CDH12: variants seen among roughly 807,000 people sequenced by gnomAD.
The protein encoded by CDH12 is cadherin 12.
In CDH12, 41 loss-of-function variants were observed where a neutral mutation model predicts 74.1. The observed-to-expected ratio is 0.55, with a 90% CI of 0.43 to 0.72. The LOEUF (loss-of-function observed/expected upper bound fraction) is 0.72. Ranked by LOEUF, CDH12 falls within the 30% of genes least tolerant of loss-of-function variation. CDH12 has a pLI of 0.00. For missense variants in CDH12, 945 were observed against 977.2 expected, an observed-to-expected ratio of 0.97 and a Z score of 0.44; for synonymous variants, 399 against 355.0, an observed-to-expected ratio of 1.12 and a Z score of -1.39.
chr5:22,734,044 C>T (rs1580939254), intron 1 of CDH12, among the ~76,000 whole-genome samples: 1 of 151,976 alleles, frequency 6.6e-6, no homozygotes, highest in East Asian at 1.9e-4. Flanking sequence ...GGTATCTTGC[C>T]CCCTATGTCG....
intron 5 of CDH12, among the ~76,000 whole-genome samples, chr5:21,982,184 G>T (rs1047435484): frequency 1.3e-5 from 2 of 152,088 alleles, no homozygotes; most frequent in African/African-American, 4.8e-5. Context: ...GGAATGAATA[G>T]ATCAAAAAGC....
chr5:22,195,639 A>G lies in CDH12; in HGVS notation c.-187+16859T>C, dbSNP rs190421368. Among the ~76,000 whole-genome samples the G allele has an allele frequency of 2.3e-4, 35 of 152,320 alleles. No homozygotes were observed. The East Asian group carries it at 6.4e-3, about 28-fold the overall frequency. On this transcript the variant is annotated intron_variant, in intron 4 of 14. Transcript: ENST00000382254. Reference sequence around the variant, plus strand: ...CCTCATTTAATTCTCAATACAATGAATAAGAAAATATAAAATGTGTATTTA... The same window carrying G: ...CCTCATTTAATTCTCAATACAATGAGTAAGAAAATATAAAATGTGTATTTA...
Position 22,398,354 on chromosome 5 carries a change from T to C in CDH12, c.-333+6903A>G, listed in dbSNP as rs192074712. Among the ~76,000 whole-genome samples, 64 of 152,214 alleles carry C rather than the reference T, an allele frequency of 4.2e-4. 1 individual carries two copies. The East Asian group carries it at 0.011, about 25-fold the overall frequency. On this transcript the variant is annotated intron_variant, in intron 3 of 14. Transcript: ENST00000382254. ...ACAATGGAAGCCCCACTGGGTAAAA[T>C]ATATAATTTAAGTTGCTACTTCATA... is the stretch of plus-strand genomic sequence containing the variant.
intron 1 of CDH12, among the ~76,000 whole-genome samples, chr5:22,633,770 T>A (rs900698414): frequency 6.6e-6 from 1 of 152,152 alleles, no homozygotes; most frequent in Non-Finnish European, 1.5e-5. Flanking sequence ...CTTTCCTGGA[T>A]CTCCAGCTCA....
At chr5:22,642,864 C>T (rs1251271892) in intron 1 of CDH12, among the ~76,000 whole-genome samples, 6 of 151,968 alleles carry the variant, frequency 3.9e-5, no homozygotes, top group African/African-American at 9.7e-5. Flanking sequence ...AATGGTTACA[C>T]GCAATTCAAT....
At chr5:21,791,722 A>G (rs574878773) in intron 10 of CDH12, among the ~76,000 whole-genome samples, 1 of 152,088 alleles carries the variant, frequency 6.6e-6, no homozygotes, top group Admixed American at 6.6e-5. Context: ...AGAAATCAGA[A>G]ATTAAAACAT....
Position 22,258,253 on chromosome 5 carries a change from A to C in CDH12, c.-332-45610T>G, listed in dbSNP as rs73742077. Among the ~76,000 whole-genome samples the C allele has an allele frequency of 6.3e-3, 955 of 152,222 alleles. 11 individuals carry two copies. The highest frequency in any genetic ancestry group is 0.022 in the African/African-American group (920 of 41,558). On this transcript the variant is annotated intron_variant, in intron 3 of 14. Coordinates refer to ENST00000382254, the MANE Select transcript of CDH12 (RefSeq NM_004061.5). ...AGTACTGGTTCTTAAACAGCCCATAAAAACCCATTGGCCTGAAGCTTGTCT... is the reference window on the plus strand; with the variant it reads ...AGTACTGGTTCTTAAACAGCCCATACAAACCCATTGGCCTGAAGCTTGTCT...
At chr5:22,385,831 C>T (rs2968282) in intron 3 of CDH12, among the ~76,000 whole-genome samples, 52,152 of 149,444 alleles carry the variant, frequency 0.35, 10,254 homozygotes, top group Admixed American at 0.47. Flanking sequence ...GAAGCAGGCA[C>T]ATCTTACATG....
At chr5:21,902,735 AAACTT>A (rs1753450410) in intron 6 of CDH12, among the ~76,000 whole-genome samples, 1 of 152,190 alleles carries the variant, frequency 6.6e-6, no homozygotes. Context: ...ATAAGAAACT[AAACTT>A]TAATTTTGTT....
chr5:22,407,693 A>G (rs902105815), intron 2 of CDH12, among the ~76,000 whole-genome samples: 7 of 152,232 alleles, frequency 4.6e-5, no homozygotes, highest in Non-Finnish European at 8.8e-5. Context: ...CTGTTTGCAC[A>G]CTACACCTAA....
At chr5:21,966,651 C>G (rs1268519256) in intron 6 of CDH12, among the ~76,000 whole-genome samples, 3 of 152,124 alleles carry the variant, frequency 2.0e-5, no homozygotes, top group Non-Finnish European at 2.9e-5. Flanking sequence ...CAGTACTACA[C>G]AATTTGGAAA....
chr5:22,643,926 G>A (rs1307965306), intron 1 of CDH12, among the ~76,000 whole-genome samples: 3 of 151,680 alleles, frequency 2.0e-5, no homozygotes, highest in African/African-American at 7.3e-5. Context: ...TATGATCAAT[G>A]ACCTTTGAGG....
At chr5:22,257,663 C>A (rs546602034) in intron 3 of CDH12, among the ~76,000 whole-genome samples, 2 of 152,030 alleles carry the variant, frequency 1.3e-5, no homozygotes, top group East Asian at 1.9e-4. Flanking sequence ...CCATGCCTGG[C>A]TAATTTTTTG....
rs553208394 is a variant in CDH12, at chr5:22,262,392, G to C, written c.-332-49749C>G. ...TGTTTGGTTTTTTGTTCTTGAGATA[G>C]TTTACTGAGAATGATGATTTCCAAT... On this transcript the variant is annotated intron_variant, in intron 3 of 14. Coordinates refer to ENST00000382254, the MANE Select transcript of CDH12 (RefSeq NM_004061.5). Among the ~76,000 whole-genome samples the C allele has an allele frequency of 5.6e-3, 854 of 151,602 alleles. 4 individuals are homozygous for C. Among genetic ancestry groups the C allele is most frequent in the Non-Finnish European group, 9.8e-3 (667 of 67,936 alleles).
chr5:22,143,822 G>A (rs1032418353), intron 4 of CDH12: 10 of 152,348 alleles, frequency 6.6e-5, no homozygotes, highest in African/African-American at 2.4e-4. Flanking sequence ...AATAGCGTCA[G>A]TGTCCTAATG....
chr5:22,294,464 G>C (rs1737537273), intron 3 of CDH12, among the ~76,000 whole-genome samples: 1 of 152,202 alleles, frequency 6.6e-6, no homozygotes, highest in South Asian at 2.1e-4. Flanking sequence ...GGAATGTGTA[G>C]TACAATTGAA....
At chr5:21,773,157 AATGATGTGAAAACCT>A (rs1745410101) in intron 11 of CDH12, among the ~76,000 whole-genome samples, 1 of 152,144 alleles carries the variant, frequency 6.6e-6, no homozygotes, top group Non-Finnish European at 1.5e-5. Context: ...TGCTTTACGA[AATGATGTGAAAACCT>A]CATTAGTGAT....
chr5:22,498,901 C>CT (rs34550762), intron 2 of CDH12, among the ~76,000 whole-genome samples: 92 of 73,410 alleles, frequency 1.3e-3, no homozygotes, highest in South Asian at 3.4e-3. Context: ...TTTTCTGTTT[C>CT]TTTTTTTTTT....
intron 1 of CDH12, among the ~76,000 whole-genome samples, chr5:22,682,626 T>C (rs1741554648): frequency 6.6e-6 from 1 of 152,044 alleles, no homozygotes; most frequent in Non-Finnish European, 1.5e-5. Context: ...ATATTTTTTG[T>C]CTGTCTAAAG....
Sources: gnomAD v4.1 joint callset for allele counts (sites outside exome capture counted in the v4.1 genomes callset) on GRCh38, gnomAD v4.1.1 for gene constraint, MANE v1.5 for transcripts, NCBI Gene and HGNC (gene_info 2026-07-23, HGNC 2026-07-21) for gene names.